CTR9: variants seen among roughly 807,000 people sequenced by gnomAD.
CTR9 encodes the protein CTR9 component of Paf1/RNA polymerase II complex, also known as RNA polymerase-associated protein CTR9 homolog.
CTR9 carries 41 observed loss-of-function variants against 152.1 expected under a neutral mutation model. The observed-to-expected ratio is 0.27, with a 90% CI of 0.21 to 0.35. The LOEUF (loss-of-function observed/expected upper bound fraction) is 0.35, where lower values mean the gene tolerates loss of function less well. Ranked by LOEUF, CTR9 falls within the 10% of genes least tolerant of loss-of-function variation. The probability of loss-of-function intolerance (pLI) is 1.00; values close to 1 mark genes in which losing one functional copy is unlikely to be tolerated. For synonymous variants in CTR9, 476 were observed against 496.2 expected, an observed-to-expected ratio of 0.96 and a Z score of 0.54; for missense variants, 917 against 1,424.4, an observed-to-expected ratio of 0.64 and a Z score of 5.73.
rs767457304 is a variant in CTR9 at position 10,773,290 on chromosome 11, G to C, written c.2727+17G>C. On this transcript the variant is annotated intron_variant, in intron 21 of 24. Coordinates refer to ENST00000361367, the MANE Select transcript of CTR9 (RefSeq NM_014633.5). The stretch of plus-strand genomic sequence containing the variant: ...GGTGGACGGGTAAGATATAATTCCT[G>C]CTAGCACAAGTGACCTCATTCTCTG... 8 of 1,605,892 alleles carry C rather than the reference G, an allele frequency of 5.0e-6. No individual in the cohort carries two copies. In the Admixed American group the frequency reaches 1.0e-4, roughly 21 times the overall value.
At chr11:10,771,516 A>T in intron 18 of CTR9, 29 bp from the exon 19 acceptor site, 1 of 1,443,772 alleles carries the variant, frequency 6.9e-7, no homozygotes, top group Non-Finnish European at 9.7e-7. Flanking sequence ...TCTTTTTTTA[A>T]AAGTGAAGTA....
At chr11:10,765,567 T>G (rs1848936479) in intron 12 of CTR9, among the ~76,000 whole-genome samples, 1 of 152,156 alleles carries the variant, frequency 6.6e-6, no homozygotes, top group Admixed American at 6.6e-5. Context: ...GTTGGAGTGA[T>G]TCTCCTGCCT....
chr11:10,755,774 A>C lies in CTR9; in HGVS notation c.481A>C (p.Asn161His). 6.2e-7 allele frequency: 1 copy of C among 1,611,440 alleles called. No individual in the cohort carries two copies. The part of the protein sequence containing the change: ...QFHFVLNQSP[N>H]NIPALLGKAC... ...TCATTTTGTACTCAATCAGTCTCCA[A>C]ATAATATTCCAGCCCTTCTTGGTAA... Residue 161 changes from asparagine to histidine, a missense_variant, in exon 4 of 25, where the codon AAT becomes CAT. Around this residue, in one of 9 missense-constraint regions of CTR9, gnomAD observed 110 missense variants for 149.5 expected, o/e 0.74. Transcript: ENST00000361367.
At chr11:10,776,974 A>T (rs1209996414) in intron 24 of CTR9, among the ~76,000 whole-genome samples, 1 of 148,490 alleles carries the variant, frequency 6.7e-6, no homozygotes, top group African/African-American at 2.5e-5. Context: ...CTCTTGTGAA[A>T]AAAAAAAAAA....
chr11:10,759,620 A>G (rs1190198604), intron 5 of CTR9, among the ~76,000 whole-genome samples: 1 of 152,010 alleles, frequency 6.6e-6, no homozygotes, highest in Non-Finnish European at 1.5e-5. Flanking sequence ...GTAGATGAGA[A>G]TGAATGATCC....
At position 10,764,582 on chromosome 11, in the gene CTR9, C is replaced by A. The variant is rs536618493; in HGVS notation, c.1448C>A (p.Ala483Glu). Reference sequence around the variant, plus strand: ...TTGGCGTCATTGGACCGTGCAAAAGCAGAAGCGGAACACGATGAGCATTAC... The same window carrying A: ...TTGGCGTCATTGGACCGTGCAAAAGAAGAAGCGGAACACGATGAGCATTAC... ...YFLASLDRAK[A>E]EAEHDEHYYN... Residue 483 changes from alanine (A) to glutamate (E), a missense_variant, in exon 12 of 25, where the codon GCA becomes GAA. Around this residue, in one of 9 missense-constraint regions of CTR9, gnomAD observed 133 missense variants for 244.1 expected, o/e 0.54. Transcript: ENST00000361367. The A allele has an allele frequency of 1.4e-4, 227 of 1,612,052 alleles. 2 individuals carry two copies. The South Asian group carries it at 2.4e-3, about 17-fold the overall frequency.
chr11:10,772,248 G>A (rs1168086126), intron 19 of CTR9, among the ~76,000 whole-genome samples: 1 of 152,012 alleles, frequency 6.6e-6, no homozygotes, highest in Non-Finnish European at 1.5e-5. Flanking sequence ...CCAGCTACTC[G>A]GGAGGCTGAG....
intron 20 of CTR9, 86 bp from the exon 21 acceptor site, chr11:10,773,041 A>G: frequency 6.8e-7 from 1 of 1,469,460 alleles, no homozygotes; most frequent in South Asian, 1.3e-5. Context: ...GAAAAAAAAA[A>G]ATCCTCTGCT....
At chr11:10,757,719 T>C (rs2135359600) in intron 5 of CTR9, among the ~76,000 whole-genome samples, 1 of 152,370 alleles carries the variant, frequency 6.6e-6, no homozygotes, top group South Asian at 2.1e-4. Context: ...CCTGAGAATG[T>C]AGCAATTAAC....
chr11:10,766,282 C>T, intron 12 of CTR9, 120 bp from the exon 13 acceptor site: 1 of 721,170 alleles, frequency 1.4e-6, no homozygotes, highest in Non-Finnish European at 2.3e-6. Flanking sequence ...ACCTTTGGGA[C>T]TTTTCTGTTC....
At chr11:10,768,513 T>C (rs760534014) in intron 16 of CTR9, 22 bp downstream of exon 16, 1 of 1,577,668 alleles carries the variant, frequency 6.3e-7, no homozygotes, top group Non-Finnish European at 8.6e-7. Context: ...TCTTTCAAGA[T>C]ATTTTTATAT....
intron 12 of CTR9, among the ~76,000 whole-genome samples, chr11:10,766,158 G>C (rs1285420803): frequency 6.6e-6 from 1 of 152,156 alleles, no homozygotes. Flanking sequence ...ACTTGGACCA[G>C]GGAACTAGCA....
chr11:10,760,081 T>C, intron 5 of CTR9, 92 bp from the exon 6 acceptor site: 1 of 1,419,216 alleles, frequency 7.0e-7, no homozygotes, highest in African/African-American at 1.4e-5. Flanking sequence ...TTGGGGATTT[T>C]GCAACTCATA....
intron 24 of CTR9, among the ~76,000 whole-genome samples, chr11:10,776,971 GAAAAAAA>G (rs11326865): frequency 1.6e-5 from 1 of 63,236 alleles, no homozygotes; most frequent in African/African-American, 5.7e-5. Flanking sequence ...AGACTCTTGT[GAAAAAAA>G]AAAAAAAAAA....
In CTR9 at chr11:10,764,409, T is replaced by C. The variant is rs746881529; in HGVS notation, c.1386T>C (p.Phe462=). The change falls in exon 11 of 25, where the codon TTT becomes TTC. Residue 462 remains phenylalanine, a synonymous_variant. Coordinates refer to ENST00000361367, the MANE Select transcript of CTR9 (RefSeq NM_014633.5). The part of the protein sequence containing the change: ...EILNNVGALH[F]RLGNLGEAKK... ...TCAATAATGTGGGTGCCCTCCATTTTAGACTTGGAAACCTAGGGGAGGCTA... is the reference window on the plus strand; with the variant it reads ...TCAATAATGTGGGTGCCCTCCATTTCAGACTTGGAAACCTAGGGGAGGCTA... The C allele has an allele frequency of 1.2e-6, 2 of 1,614,112 alleles. No homozygotes were observed. The highest frequency in any genetic ancestry group is 2.2e-5 in the South Asian group (2 of 91,058).
chr11:10,773,055 G>A, intron 20 of CTR9, 72 bp from the exon 21 acceptor site: 1 of 1,528,756 alleles, frequency 6.5e-7, no homozygotes, highest in Non-Finnish European at 8.8e-7. Flanking sequence ...CTCTGCTTAG[G>A]ATGGTAGCCA....
Position 10,763,599 on chromosome 11 carries a change from A to G in CTR9, c.958-44A>G, listed in dbSNP as rs751345385. 1.9e-6 allele frequency: 3 copies of G among 1,571,052 alleles called. No individual in the cohort carries two copies. In the South Asian group the frequency reaches 3.5e-5, roughly 18 times the overall value. On this transcript the variant is annotated intron_variant, in intron 8 of 24. Coordinates refer to ENST00000361367, the MANE Select transcript of CTR9 (RefSeq NM_014633.5). Reference sequence around the variant, plus strand: ...TACTTATAGTGTTTTAAGTCTTTCCAATACTTTTGTACATATTGGTCTTTT... The same window carrying G: ...TACTTATAGTGTTTTAAGTCTTTCCGATACTTTTGTACATATTGGTCTTTT...
chr11:10,763,535 TC>T lies in CTR9; in HGVS notation c.955del (p.Gln319ArgfsTer50). 1 of 1,595,230 alleles carries T rather than the reference TC, an allele frequency of 6.3e-7. No individual in the cohort carries two copies. The highest frequency in any genetic ancestry group is 1.4e-5 in the African/African-American group (1 of 73,614). On this transcript the variant is annotated frameshift_variant and splice_region_variant, in exon 8 of 25. Coordinates refer to ENST00000361367, the MANE Select transcript of CTR9 (RefSeq NM_014633.5). LOFTEE classifies it high-confidence loss of function. ...CYQLARSFHV[Q>X]EDYDQAFQYY... ...ATCAGCTAGCTAGATCATTCCATGT[TC>T]AGGTAATTTTATAACTTCTCTAAAT...
In CTR9 at chr11:10,760,201, C is replaced by G; in HGVS notation, c.621C>G (p.Cys207Trp). ...PAEVRLGMGH[C>W]FVKLNKLEKA... ...AAGTTCGTTTAGGAATGGGTCATTGCTTTGTGAAACTTAACAAACTGGAAA... is the reference window on the plus strand; with the variant it reads ...AAGTTCGTTTAGGAATGGGTCATTGGTTTGTGAAACTTAACAAACTGGAAA... Residue 207 changes from cysteine to tryptophan, a missense_variant, in exon 6 of 25, where the codon TGC becomes TGG. By Grantham distance (215) the Cys-to-Trp change is radical. Transcript: ENST00000361367. 1 of 1,614,018 alleles carries G rather than the reference C, an allele frequency of 6.2e-7. No individual in the cohort carries two copies. Among genetic ancestry groups the G allele is most frequent in the Non-Finnish European group, 8.5e-7 (1 of 1,179,942 alleles).
Sources: gnomAD v4.1 joint callset for allele counts (sites outside exome capture counted in the v4.1 genomes callset) on GRCh38, gnomAD v4.1.1 for gene constraint, gnomAD v4.1.1 regional missense constraint, MANE v1.5 for transcripts, NCBI Gene and HGNC (gene_info 2026-07-23, HGNC 2026-07-21) for gene names.